Variants in NRXN3 observed in about 807,000 individuals in gnomAD.
NRXN3 encodes neurexin III.
Under a neutral mutation model 137.6 loss-of-function variants are expected in NRXN3, and 32 were observed. That is an observed-to-expected ratio of 0.23 (90% CI 0.18 to 0.31). The LOEUF is 0.31. NRXN3 is among the 10% of genes least tolerant of loss of function. The probability of loss-of-function intolerance (pLI) is 1.00; values close to 1 mark genes in which losing one functional copy is unlikely to be tolerated. For missense variants in NRXN3, 1,574 were observed against 2,062.5 expected (o/e 0.76, Z 4.59); for synonymous variants, 798 against 784.5 (o/e 1.02, Z -0.29).
chr14:78,625,133 C>A (rs1036682497), intron 4 of NRXN3, among the ~76,000 whole-genome samples: 2 of 152,220 alleles, frequency 1.3e-5, no homozygotes, highest in Admixed American at 6.5e-5. Flanking sequence ...AGCCACCGCA[C>A]CTGGTCCCTG....
In NRXN3 at chr14:78,472,916, C is replaced by CTT. The variant is rs11407621; in HGVS notation, c.758-172190_758-172189dup. ...TTTAGCCAGCAAAGAGAGAAAATGT[C>CTT]TTTTTTTTTTTTTTTCATTTTTCCC... is the stretch of plus-strand genomic sequence containing the variant. On this transcript the variant is annotated intron_variant, in intron 4 of 20. Coordinates refer to ENST00000335750, the MANE Select transcript of NRXN3 (RefSeq NM_001330195.2). Among the ~76,000 whole-genome samples the CTT allele has an allele frequency of 3.0e-3, 415 of 140,140 alleles. 2 individuals are homozygous for CTT. Among genetic ancestry groups the CTT allele is most frequent in the East Asian group, 4.1e-3 (20 of 4,880 alleles). The allele number at this position is 140,140 out of a possible 152,430, so 91.9% of individuals were successfully genotyped here.
At chr14:78,377,518 G>A (rs1597971521) in intron 4 of NRXN3, among the ~76,000 whole-genome samples, 1 of 152,230 alleles carries the variant, frequency 6.6e-6, no homozygotes. Context: ...TAGGAAATCA[G>A]CAAGGATAAA....
chr14:78,235,018 ATATATG>A (rs1251860790), intron 1 of NRXN3, among the ~76,000 whole-genome samples: 6 of 98,074 alleles, frequency 6.1e-5, no homozygotes, highest in African/African-American at 2.7e-4. Context: ...ATATATATAT[ATATATG>A]TGTATATATA....
chr14:79,826,207 G>A (rs1469367964), intron 20 of NRXN3, among the ~76,000 whole-genome samples: 1 of 152,036 alleles, frequency 6.6e-6, no homozygotes, highest in African/African-American at 2.4e-5. Context: ...TGGCCAGGCT[G>A]GTCTCAAACT....
intron 10 of NRXN3, among the ~76,000 whole-genome samples, chr14:78,900,224 T>C (rs565311737): frequency 6.6e-6 from 1 of 152,054 alleles, no homozygotes; most frequent in Admixed American, 6.6e-5. Flanking sequence ...TCTATTGTTA[T>C]AGATGAGTAA....
At chr14:79,761,032 G>C (rs910671919) in intron 19 of NRXN3, among the ~76,000 whole-genome samples, 11 of 151,818 alleles carry the variant, frequency 7.2e-5, no homozygotes, top group African/African-American at 2.4e-4. Flanking sequence ...ACTTTGTGAA[G>C]TGATCATGAG....
At chr14:79,274,134 G>T (rs1417262248) in intron 15 of NRXN3, among the ~76,000 whole-genome samples, 2 of 149,944 alleles carry the variant, frequency 1.3e-5, no homozygotes, top group Non-Finnish European at 3.0e-5. Flanking sequence ...CTAAGATCTT[G>T]GCCACGTTTT....
chr14:78,512,493 C>T (rs1043006476), intron 4 of NRXN3, among the ~76,000 whole-genome samples: 3 of 152,094 alleles, frequency 2.0e-5, no homozygotes, highest in African/African-American at 7.2e-5. Context: ...GTAAAAAACC[C>T]AGACAGAAAG....
chr14:79,778,646 A>G (rs1209781155), intron 19 of NRXN3, among the ~76,000 whole-genome samples: 1 of 152,170 alleles, frequency 6.6e-6, no homozygotes, highest in African/African-American at 2.4e-5. Context: ...TTTTAAAAGA[A>G]GGGCAGGGGA....
At chr14:79,405,521 T>C (rs535904097) in intron 15 of NRXN3, among the ~76,000 whole-genome samples, 2 of 152,252 alleles carry the variant, frequency 1.3e-5, no homozygotes, top group South Asian at 4.1e-4. Flanking sequence ...CTTCTATTTG[T>C]AAATAAATCA....
chr14:78,566,423 TC>T (rs1475393721), intron 4 of NRXN3, among the ~76,000 whole-genome samples: 1 of 152,108 alleles, frequency 6.6e-6, no homozygotes, highest in Admixed American at 6.5e-5. Context: ...CTTCAAGTTT[TC>T]CATGTGGCAT....
At chr14:79,391,671 G>T (rs1452692237) in intron 15 of NRXN3, among the ~76,000 whole-genome samples, 1 of 152,242 alleles carries the variant, frequency 6.6e-6, no homozygotes, top group South Asian at 2.1e-4. Context: ...AAAATAGAAT[G>T]GCCAAATACA....
At chr14:78,855,811 A>G (rs2099055520) in intron 10 of NRXN3, among the ~76,000 whole-genome samples, 1 of 152,180 alleles carries the variant, frequency 6.6e-6, no homozygotes, top group South Asian at 2.1e-4. Context: ...TAGGCATTCT[A>G]AGGAGAGCTT....
At chr14:78,473,830 T>G (rs1206883796) in intron 4 of NRXN3, among the ~76,000 whole-genome samples, 1 of 152,198 alleles carries the variant, frequency 6.6e-6, no homozygotes, top group Non-Finnish European at 1.5e-5. Flanking sequence ...GAAGACTAAT[T>G]CTGCATGTGG....
chr14:78,614,828 C>A, intron 4 of NRXN3: 1 of 378,564 alleles, frequency 2.6e-6, no homozygotes. Context: ...TGAAACAACT[C>A]TTGTGGGCCC....
chr14:79,009,371 C>T (rs988377619), intron 15 of NRXN3, among the ~76,000 whole-genome samples: 1 of 152,150 alleles, frequency 6.6e-6, no homozygotes, highest in Non-Finnish European at 1.5e-5. Context: ...TCTTGGTTAG[C>T]TTTACTGAGA....
At chr14:78,280,652 A>T (rs8008276) in intron 3 of NRXN3, among the ~76,000 whole-genome samples, 23,162 of 152,084 alleles carry the variant, frequency 0.15, 1,933 homozygotes, top group Middle Eastern at 0.23. Flanking sequence ...CCTCTTGCCA[A>T]GCTTGTGCCC....
intron 4 of NRXN3, among the ~76,000 whole-genome samples, chr14:78,458,192 C>CT (rs2094807512): frequency 1.3e-5 from 2 of 152,180 alleles, no homozygotes; most frequent in South Asian, 4.1e-4. Flanking sequence ...GAGAGACACT[C>CT]TATTTCATTT....
intron 15 of NRXN3, among the ~76,000 whole-genome samples, chr14:79,189,610 G>A (rs899528742): frequency 3.3e-5 from 5 of 151,864 alleles, no homozygotes; most frequent in African/African-American, 9.7e-5. Context: ...CCAACACAAA[G>A]TTCAAGTCGT....
Sources: allele counts gnomAD v4.1 joint callset (sites outside exome capture counted in the v4.1 genomes callset), GRCh38; gene constraint gnomAD v4.1.1; transcripts MANE v1.5; gene names NCBI Gene and HGNC (gene_info 2026-07-23, HGNC 2026-07-21).